Variants in ZNF398 observed in about 807,000 individuals in gnomAD.
The protein encoded by ZNF398 is zinc finger DNA binding protein ZER6.
In ZNF398, 18 loss-of-function variants were observed where a neutral mutation model predicts 41.9. The observed-to-expected ratio is 0.43, with a 90% CI of 0.30 to 0.64. The LOEUF is 0.64. Among genes scored for constraint, ZNF398 ranks in the 30% least tolerant of loss-of-function variants. The pLI is 0.14. For missense variants in ZNF398, 669 were observed against 822.8 expected, an observed-to-expected ratio of 0.81 and a Z score of 2.29; for synonymous variants, 260 against 308.8, an observed-to-expected ratio of 0.84 and a Z score of 1.66.
chr7:149,177,497 A>G (rs1379537487), intron 5 of ZNF398, among the ~76,000 whole-genome samples: 1 of 152,228 alleles, frequency 6.6e-6, no homozygotes, highest in African/African-American at 2.4e-5. Flanking sequence ...AAAGAAGGGC[A>G]TAAAGCCACA....
At chr7:149,167,535 G>A (rs981020843) in intron 4 of ZNF398, among the ~76,000 whole-genome samples, 4 of 152,024 alleles carry the variant, frequency 2.6e-5, no homozygotes, top group African/African-American at 9.7e-5. Flanking sequence ...TTGATGGATA[G>A]AAGCACACAG....
At chr7:149,155,713 T>A (rs1429491242) in intron 2 of ZNF398, among the ~76,000 whole-genome samples, 2,749 of 28,280 alleles carry the variant, frequency 0.097, 108 homozygotes, top group African/African-American at 0.17. Flanking sequence ...ATATATTTTT[T>A]TTTTTTTTTT....
chr7:149,134,407 A>G (rs1826670269), intron 2 of ZNF398, among the ~76,000 whole-genome samples: 1 of 148,500 alleles, frequency 6.7e-6, no homozygotes, highest in Non-Finnish European at 1.5e-5. Flanking sequence ...TGTCTTTTTG[A>G]TATGAGATCT....
At chr7:149,136,079 T>C (rs2129519389) in intron 2 of ZNF398, among the ~76,000 whole-genome samples, 1 of 152,308 alleles carries the variant, frequency 6.6e-6, no homozygotes, top group South Asian at 2.1e-4. Flanking sequence ...TTCAAGGTCA[T>C]AAATATTTGG....
chr7:149,145,859 T>C (rs578246872), upstream of ZNF398, among the ~76,000 whole-genome samples: 2 of 151,854 alleles, frequency 1.3e-5, no homozygotes, highest in Non-Finnish European at 2.9e-5. Flanking sequence ...CTATGTGCAT[T>C]GGGCAAGGAA....
At chr7:149,148,770 A>G (rs1319596088) in intron 1 of ZNF398, among the ~76,000 whole-genome samples, 1 of 151,880 alleles carries the variant, frequency 6.6e-6, no homozygotes, top group Non-Finnish European at 1.5e-5. Context: ...CCCAGGCCGC[A>G]TGCGGACTAG....
rs1441022240 is a variant in ZNF398, at chr7:149,181,541, CTAGT to C, written c.*1743_*1746del. 2 of 152,142 alleles carry C rather than the reference CTAGT, an allele frequency of 1.3e-5. No homozygotes were observed. Among genetic ancestry groups the C allele is most frequent in the African/African-American group, 2.4e-5 (1 of 41,418 alleles). The allele number at this position is 152,142 out of a possible 1,614,324, so 9.4% of individuals were successfully genotyped here. On this transcript the variant is annotated 3_prime_UTR_variant, in exon 6 of 6. Coordinates refer to ENST00000475153, the MANE Select transcript of ZNF398 (RefSeq NM_170686.3). ...TCACCTAGCCCATCCTTCACTCTCTCTAGTTATGCATAACAACACTAGAAGAAGG... is the reference window on the plus strand; with the variant it reads ...TCACCTAGCCCATCCTTCACTCTCTCTATGCATAACAACACTAGAAGAAGG...
At chr7:149,150,206 C>A (rs944068361) in intron 1 of ZNF398, among the ~76,000 whole-genome samples, 4 of 152,240 alleles carry the variant, frequency 2.6e-5, no homozygotes, top group African/African-American at 9.6e-5. Context: ...GATTAATTTC[C>A]ATCTCAAAGC....
intron 2 of ZNF398, among the ~76,000 whole-genome samples, chr7:149,154,658 G>C (rs1171349980): frequency 6.6e-6 from 1 of 151,974 alleles, no homozygotes; most frequent in South Asian, 2.1e-4. Context: ...TCGTTAACTT[G>C]TGTGCCAGAT....
upstream of ZNF398, among the ~76,000 whole-genome samples, chr7:149,143,412 G>A (rs1826867168): frequency 6.6e-6 from 1 of 152,168 alleles, no homozygotes; most frequent in Non-Finnish European, 1.5e-5. Context: ...CATCATACAT[G>A]CTGAAAAAAA....
chr7:149,158,833 C>T (rs1336232248), intron 2 of ZNF398, among the ~76,000 whole-genome samples: 2 of 110,902 alleles, frequency 1.8e-5, no homozygotes, highest in Non-Finnish European at 1.8e-5. Context: ...AACACCGTTT[C>T]AAAAAAAAAA....
chr7:149,163,496 C>T (rs1469990515), intron 2 of ZNF398, among the ~76,000 whole-genome samples: 2 of 152,074 alleles, frequency 1.3e-5, no homozygotes, highest in African/African-American at 4.8e-5. Context: ...CCTCAGCCTC[C>T]CAGGTAGTTG....
At chr7:149,169,817 C>T (rs748998588) in intron 4 of ZNF398, among the ~76,000 whole-genome samples, 1 of 152,120 alleles carries the variant, frequency 6.6e-6, no homozygotes, top group Non-Finnish European at 1.5e-5. Flanking sequence ...AGACCACTCC[C>T]AGATTTCGTG....
intron 1 of ZNF398, among the ~76,000 whole-genome samples, chr7:149,151,857 G>A (rs187563738): frequency 5.8e-4 from 87 of 150,702 alleles, no homozygotes; most frequent in African/African-American, 2.0e-3. Context: ...CAGAATCTTG[G>A]CTCACTGTAA....
chr7:149,179,929 T>C lies in ZNF398; in HGVS notation c.*128T>C. The C allele has an allele frequency of 3.7e-6, 3 of 819,682 alleles. No individual in the cohort carries two copies. Among genetic ancestry groups the C allele is most frequent in the Non-Finnish European group, 3.5e-6 (2 of 564,744 alleles). The allele number at this position is 819,682 out of a possible 1,614,324, so 50.8% of individuals were successfully genotyped here. On this transcript the variant is annotated 3_prime_UTR_variant, in exon 6 of 6. Coordinates refer to ENST00000475153, the MANE Select transcript of ZNF398 (RefSeq NM_170686.3). This position sits in a 1 kb window ranked among gnomAD's most constrained non-coding sequence, Gnocchi z 6.1. ...TGGCACATCAATGAATTTGGGGTCC[T>C]ATACACTTGACTAGAGACATGCTTG...
At position 149,148,863 on chromosome 7, in the gene ZNF398, CTTTTTTTTTT is replaced by C. The variant is rs59895177; in HGVS notation, c.24+1116_24+1125del. 2.1e-3 allele frequency among the ~76,000 whole-genome samples: 130 copies of C among 63,284 alleles called. 5 individuals carry two copies. In the East Asian group the frequency reaches 0.039, roughly 19 times the overall value. 41.5% of individuals were successfully genotyped at this position (63,284 alleles called of 152,430 possible). ...TTTATGCACGGACCTTTTTCTTTGT[CTTTTTTTTTT>C]TTTTTTTTTTTTTTTTTTAGCTCAT... On this transcript the variant is annotated intron_variant, in intron 1 of 5. Coordinates refer to ENST00000475153, the MANE Select transcript of ZNF398 (RefSeq NM_170686.3).
In ZNF398 at chr7:149,179,112, A is replaced by G. The variant is rs1563167809; in HGVS notation, c.1240A>G (p.Thr414Ala). 1 of 1,613,738 alleles carries G rather than the reference A, an allele frequency of 6.2e-7. No individual in the cohort carries two copies. The highest frequency in any genetic ancestry group is 8.5e-7 in the Non-Finnish European group (1 of 1,179,948). ...GACTTTTACTCACCCATCAAGACTT[A>G]CCTACCATCTTCGGGTCCATAACAG... ...ARTFTHPSRL[T>A]YHLRVHNSTE... Residue 414 changes from threonine (T) to alanine (A), a missense_variant, in exon 6 of 6, where the codon ACC (threonine) becomes GCC (alanine). By Grantham distance (58) the Thr-to-Ala change is moderately conservative. Transcript: ENST00000475153. This position sits in a 1 kb window ranked among gnomAD's most constrained non-coding sequence, Gnocchi z 6.1.
At chr7:149,140,750 AGATCCCTGGCTGT>A (rs1826806086) in intron 2 of ZNF398, among the ~76,000 whole-genome samples, 1 of 152,252 alleles carries the variant, frequency 6.6e-6, no homozygotes, top group African/African-American at 2.4e-5. Flanking sequence ...AAAAAAAAAA[AGATCCCTGGCTGT>A]GCGTGGTAGC....
intron 5 of ZNF398, 152 bp downstream of exon 5, chr7:149,176,733 C>T (rs1795467865): frequency 3.7e-6 from 2 of 540,488 alleles, no homozygotes; most frequent in Non-Finnish European, 6.6e-6. Flanking sequence ...TGAAACCAAA[C>T]AGTCACTAAG....
Sources: allele counts gnomAD v4.1 joint callset (sites outside exome capture counted in the v4.1 genomes callset), GRCh38; gene constraint gnomAD v4.1.1; non-coding constraint Gnocchi (gnomAD v3.1); transcripts MANE v1.5; gene names NCBI Gene and HGNC (gene_info 2026-07-23, HGNC 2026-07-21).